The following BRF1 variants were observed in gnomAD, a reference collection of about 807,000 sequenced individuals.
BRF1 encodes transcription factor IIIB 90 kDa subunit.
Under a neutral mutation model 81.7 loss-of-function variants are expected in BRF1, and 59 were observed. That is an observed-to-expected ratio of 0.72 (90% CI 0.59 to 0.90). The LOEUF is 0.90. BRF1 is among the 40% of genes least tolerant of loss of function. BRF1 has a pLI of 0.00. For synonymous variants in BRF1, 491 were observed against 395.6 expected (o/e 1.24, Z -2.86); for missense variants, 1,050 against 936.3 (o/e 1.12, Z -1.58).
At chr14:105,248,544 C>T (rs2140273258) in intron 5 of BRF1, 2 of 926,488 alleles carry the variant, frequency 2.2e-6, no homozygotes, top group Non-Finnish European at 2.5e-6. Context: ...CAGCGTGACG[C>T]ACCGGCGCCG....
Position 105,221,673 on chromosome 14 carries a change from G to A in BRF1, c.1290C>T (p.Cys430=), listed in dbSNP as rs1245901395. The A allele has an allele frequency of 3.1e-6, 5 of 1,611,382 alleles. No individual in the cohort carries two copies. The highest frequency in any genetic ancestry group is 1.1e-5 in the South Asian group (1 of 91,012). The change falls in exon 11 of 18, where the codon TGC becomes TGT. Residue 430 remains cysteine (C), a synonymous_variant. Coordinates refer to ENST00000547530, the MANE Select transcript of BRF1 (RefSeq NM_001519.4). ...TGGGGTCGCTGCTCTGAGAGGAGATGCATTCGCGGATGGAGTCTGAGATGC... is the reference window on the plus strand; with the variant it reads ...TGGGGTCGCTGCTCTGAGAGGAGATACATTCGCGGATGGAGTCTGAGATGC... ...SLGISDSIRE[C]ISSQSSDPKD...
At chr14:105,246,100 T>C (rs192653505) in intron 5 of BRF1, among the ~76,000 whole-genome samples, 2 of 152,284 alleles carry the variant, frequency 1.3e-5, no homozygotes, top group Admixed American at 6.5e-5. Flanking sequence ...AACTGCACTT[T>C]TGTAATCCCA....
intron 3 of BRF1, among the ~76,000 whole-genome samples, chr14:105,265,064 TGTTTGTTTG>T (rs1267275046): frequency 5.6e-5 from 8 of 142,644 alleles, no homozygotes; most frequent in African/African-American, 1.9e-4. Context: ...GTTTTTTTTT[TGTTTGTTTG>T]TTTTTTTAGA....
chr14:105,243,521 G>A (rs1053962334), intron 5 of BRF1, among the ~76,000 whole-genome samples: 14 of 151,706 alleles, frequency 9.2e-5, no homozygotes, highest in African/African-American at 3.2e-4. Flanking sequence ...AGGAGGCTGA[G>A]GCAGTAGGAT....
intron 3 of BRF1, among the ~76,000 whole-genome samples, chr14:105,272,418 C>T (rs2056696521): frequency 6.6e-6 from 1 of 152,218 alleles, no homozygotes; most frequent in Non-Finnish European, 1.5e-5. Flanking sequence ...GCACCCAAGG[C>T]GCAGTAGGTC....
chr14:105,244,854 A>C (rs2054973074), intron 5 of BRF1, among the ~76,000 whole-genome samples: 1 of 152,048 alleles, frequency 6.6e-6, no homozygotes, highest in Non-Finnish European at 1.5e-5. Context: ...TGTCTGTGGG[A>C]CAGTTATGAA....
Position 105,219,216 on chromosome 14 carries a change from G to C in BRF1, c.1394C>G (p.Ser465Trp). ...CAGCTCGGCCTTCACGCGGGCTTCC[G>C]ACTCATTCAGGATGTACTGGGCGAG... ...LEIDRYILNE[S>W]EARVKAELWM... The change falls in exon 13 of 18, where the codon TCG becomes TGG. Residue 465 changes from serine (S) to tryptophan (W), a missense_variant. Transcript: ENST00000547530. The C allele has an allele frequency of 6.2e-7, 1 of 1,612,536 alleles. No individual in the cohort carries two copies. The highest frequency in any genetic ancestry group is 8.5e-7 in the Non-Finnish European group (1 of 1,179,008).
At chr14:105,261,177 G>A (rs2056133292) in intron 3 of BRF1, among the ~76,000 whole-genome samples, 1 of 152,260 alleles carries the variant, frequency 6.6e-6, no homozygotes. Flanking sequence ...GCCACGCTGT[G>A]CCGGGTGGTC....
At chr14:105,221,556 G>A (rs1892289114) in intron 11 of BRF1, 92 bp downstream of exon 11, 2 of 1,502,006 alleles carry the variant, frequency 1.3e-6, no homozygotes, top group Admixed American at 2.5e-5. Context: ...TCCCGACAGA[G>A]GATGGCAGCA....
At chr14:105,228,738 G>T in intron 7 of BRF1, 82 bp downstream of exon 7, 1 of 1,500,586 alleles carries the variant, frequency 6.7e-7, no homozygotes, top group Non-Finnish European at 9.2e-7. Flanking sequence ...CCCGGGAGGT[G>T]GCGCCTGCTC....
intron 2 of BRF1, among the ~76,000 whole-genome samples, chr14:105,278,210 C>T (rs1484515510): frequency 3.3e-5 from 5 of 152,170 alleles, no homozygotes; most frequent in South Asian, 4.1e-4. Flanking sequence ...CCCAGCACTT[C>T]GGGAGGCTGA....
Position 105,211,193 on chromosome 14 carries a change from G to T in BRF1, c.1925C>A (p.Ala642Asp), listed in dbSNP as rs777792289. Residue 642 changes from alanine to aspartate, a missense_variant, in exon 17 of 18, where the codon GCT becomes GAT. Transcript: ENST00000547530. Reference protein sequence around the residue: ...GPVSYHADEEADEEEPDEEDG... With the variant: ...GPVSYHADEEDDEEEPDEEDG... ...CTCCTCGTCAGGCTCCTCCTCGTCA[G>T]CCTCCTCGTCGGCGTGGTATGACAC... 6.2e-7 allele frequency: 1 copy of T among 1,611,980 alleles called. No homozygotes were observed. The highest frequency in any genetic ancestry group is 1.7e-5 in the Admixed American group (1 of 59,998).
chr14:105,210,487 C>T lies in BRF1; in HGVS notation c.*64G>A, dbSNP rs587618432. Reference sequence around the variant, plus strand: ...CCTGCCTGCTGCGGTCCTGGAAGCCCGTCTGATGCTGAGGAGACCCGCGAG... The same window carrying T: ...CCTGCCTGCTGCGGTCCTGGAAGCCTGTCTGATGCTGAGGAGACCCGCGAG... On this transcript the variant is annotated 3_prime_UTR_variant, in exon 18 of 18. Transcript: ENST00000547530. The surrounding 1 kb of genome is among the most constrained non-coding windows in gnomAD (Gnocchi z 4.7). The T allele has an allele frequency of 8.1e-5, 128 of 1,586,722 alleles. No individual in the cohort carries two copies. The highest frequency in any genetic ancestry group is 6.6e-4 in the East Asian group (29 of 44,192).
chr14:105,314,680 C>T (rs1386912197), intron 1 of BRF1: 3 of 142,314 alleles, frequency 2.1e-5, no homozygotes, highest in Non-Finnish European at 3.1e-5. Flanking sequence ...GGGCGCCGGG[C>T]GCGCGCGGGG....
chr14:105,248,792 G>A (rs1460714606), intron 5 of BRF1: 2 of 982,826 alleles, frequency 2.0e-6, no homozygotes, highest in Non-Finnish European at 1.2e-6. Context: ...AGCCGCTCCC[G>A]AGGCCCCGGC....
At chr14:105,247,799 G>C (rs1238358123) in intron 5 of BRF1, 1 of 985,564 alleles carries the variant, frequency 1.0e-6, no homozygotes, top group Non-Finnish European at 1.2e-6. Context: ...ACGCGAGCTT[G>C]GCATGCACCA....
upstream of BRF1, among the ~76,000 whole-genome samples, chr14:105,304,747 G>A (rs914992426): frequency 1.3e-5 from 2 of 152,234 alleles, no homozygotes; most frequent in African/African-American, 4.8e-5. Flanking sequence ...CAATCATGGA[G>A]GAAGGCAAGG....
chr14:105,252,626 A>C (rs1192787283), intron 4 of BRF1, 47 bp from the exon 5 acceptor site: 1 of 1,588,746 alleles, frequency 6.3e-7, no homozygotes, highest in Non-Finnish European at 8.6e-7. Context: ...TATTTAAGGA[A>C]ATGTTTGCTT....
chr14:105,248,674 G>A lies in BRF1; in HGVS notation c.544+3833C>T, dbSNP rs1249198904. Reference sequence around the variant, plus strand: ...GCAGGGGCGGGGGTGGCAGGGGAGCGGGTGGCAGCCCCGCGGGTCACAGCG... The same window carrying A: ...GCAGGGGCGGGGGTGGCAGGGGAGCAGGTGGCAGCCCCGCGGGTCACAGCG... On this transcript the variant is annotated intron_variant, in intron 5 of 17. Coordinates refer to ENST00000547530, the MANE Select transcript of BRF1 (RefSeq NM_001519.4). 2.8e-5 allele frequency: 27 copies of A among 981,704 alleles called. 2 individuals are homozygous for A. Among genetic ancestry groups the A allele is most frequent in the South Asian group, 1.4e-4 (3 of 21,300 alleles). The allele number at this position is 981,704 out of a possible 1,614,324, so 60.8% of individuals were successfully genotyped here.
Sources: allele counts gnomAD v4.1 joint callset (sites outside exome capture counted in the v4.1 genomes callset), GRCh38; gene constraint gnomAD v4.1.1; non-coding constraint Gnocchi (gnomAD v3.1); transcripts MANE v1.5; gene names NCBI Gene and HGNC (gene_info 2026-07-23, HGNC 2026-07-21).